Variants in CLHC1 observed in about 807,000 individuals in gnomAD.
The protein encoded by CLHC1 is clathrin heavy chain linker domain containing 1.
CLHC1 carries 72 observed loss-of-function variants against 69.5 expected under a neutral mutation model. The observed-to-expected ratio is 1.04, with a 90% CI of 0.86 to 1.26. The LOEUF is 1.26. Ranked by LOEUF, CLHC1 falls within the 50% of genes most tolerant of loss-of-function variation. The pLI, the probability that CLHC1 is intolerant of heterozygous loss-of-function variation, is 0.00. For missense variants in CLHC1, 790 were observed against 679.3 expected (o/e 1.16, Z -1.81); for synonymous variants, 223 against 224.3 (o/e 0.99, Z 0.05).
Position 55,231,933 on chromosome 2 carries a change from G to A in CLHC1, c.-256+290C>T, listed in dbSNP as rs1444448595. On this transcript the variant is annotated intron_variant, in intron 1 of 12. Coordinates refer to ENST00000401408, the MANE Select transcript of CLHC1 (RefSeq NM_152385.4). ...CCAGACTCTTCCCTAGGCTGGGAGAGACTCGGCGGTTGAAAGCAGGGAGGC... is the reference window on the plus strand; with the variant it reads ...CCAGACTCTTCCCTAGGCTGGGAGAAACTCGGCGGTTGAAAGCAGGGAGGC... 1.1e-4 allele frequency: 16 copies of A among 152,358 alleles called. 1 individual carries two copies. In the East Asian group the frequency reaches 2.5e-3, roughly 24 times the overall value. 9.4% of individuals were successfully genotyped at this position (152,358 alleles called of 1,614,324 possible).
At chr2:55,206,475 C>T (rs368853195) in intron 8 of CLHC1, 99 bp from the exon 9 acceptor site, 53 of 689,892 alleles carry the variant, frequency 7.7e-5, no homozygotes, top group Middle Eastern at 2.9e-4. Flanking sequence ...AGCGGCATAA[C>T]GATATGGAAA....
intron 9 of CLHC1, among the ~76,000 whole-genome samples, chr2:55,192,112 G>A (rs1240956109): frequency 6.6e-6 from 1 of 151,240 alleles, no homozygotes; most frequent in Non-Finnish European, 1.5e-5. Flanking sequence ...TCAGATTGTT[G>A]TTGTTGCTGT....
intron 2 of CLHC1, among the ~76,000 whole-genome samples, chr2:55,223,771 T>TG (rs1469550462): frequency 1.3e-5 from 2 of 151,368 alleles, no homozygotes; most frequent in African/African-American, 2.4e-5. Context: ...CAGGGTCAGG[T>TG]TCACGCACAC....
chr2:55,208,386 T>C (rs1366988013), intron 8 of CLHC1, among the ~76,000 whole-genome samples: 1 of 152,226 alleles, frequency 6.6e-6, no homozygotes, highest in Non-Finnish European at 1.5e-5. Context: ...CATATTGATC[T>C]ATCACAAAAC....
intron 11 of CLHC1, among the ~76,000 whole-genome samples, chr2:55,178,425 T>C (rs1364185208): frequency 3.9e-5 from 6 of 152,248 alleles, no homozygotes; most frequent in Admixed American, 6.5e-5. Context: ...TTAATCTCTA[T>C]TGGGTTAACC....
At chr2:55,224,417 A>T in intron 2 of CLHC1, 1 of 434,268 alleles carries the variant, frequency 2.3e-6, no homozygotes, top group Non-Finnish European at 4.7e-6. Flanking sequence ...AAGCTATGTC[A>T]CAAAGGATCC....
chr2:55,208,493 A>C (rs1302993755), intron 8 of CLHC1, 133 bp downstream of exon 8: 1 of 607,494 alleles, frequency 1.6e-6, no homozygotes, highest in Non-Finnish European at 2.8e-6. Flanking sequence ...AACCTGTATA[A>C]ATAAAACATA....
At chr2:55,227,691 A>AC (rs1271809344) in intron 2 of CLHC1, among the ~76,000 whole-genome samples, 6 of 151,442 alleles carry the variant, frequency 4.0e-5, no homozygotes, top group Non-Finnish European at 8.8e-5. Context: ...AAAAAAAAAA[A>AC]AGTAAAAGAT....
chr2:55,193,862 G>A (rs1383358014), intron 9 of CLHC1, among the ~76,000 whole-genome samples: 4 of 152,108 alleles, frequency 2.6e-5, no homozygotes, highest in African/African-American at 9.6e-5. Flanking sequence ...CCAAAAAGTG[G>A]GAAAAGCCCA....
chr2:55,227,440 G>C (rs1254455228), intron 2 of CLHC1, among the ~76,000 whole-genome samples: 1 of 152,118 alleles, frequency 6.6e-6, no homozygotes, highest in Non-Finnish European at 1.5e-5. Context: ...AGCACTTTGG[G>C]AGGCCGAGGC....
intron 9 of CLHC1, among the ~76,000 whole-genome samples, chr2:55,192,045 TCAA>T (rs1353497269): frequency 6.6e-6 from 1 of 152,014 alleles, no homozygotes; most frequent in Non-Finnish European, 1.5e-5. Flanking sequence ...AACAAACATG[TCAA>T]CAACAACATT....
intron 9 of CLHC1, among the ~76,000 whole-genome samples, chr2:55,192,499 A>G (rs1671028966): frequency 6.6e-6 from 1 of 152,176 alleles, no homozygotes; most frequent in Non-Finnish European, 1.5e-5. Flanking sequence ...TAATAGATTA[A>G]AAGTTAGAGG....
At chr2:55,191,032 C>T (rs560607639) in intron 9 of CLHC1, among the ~76,000 whole-genome samples, 1 of 152,172 alleles carries the variant, frequency 6.6e-6, no homozygotes, top group Non-Finnish European at 1.5e-5. Context: ...AATAACATTT[C>T]TCGGCAAAAG....
At chr2:55,230,939 C>A (rs1033528513) in intron 1 of CLHC1, among the ~76,000 whole-genome samples, 10 of 151,972 alleles carry the variant, frequency 6.6e-5, no homozygotes, top group Non-Finnish European at 1.2e-4. Flanking sequence ...GACTAGTTGG[C>A]GGACTAGGGG....
chr2:55,208,602 A>G (rs1672664563), intron 8 of CLHC1, 24 bp downstream of exon 8: 1 of 1,461,310 alleles, frequency 6.8e-7, no homozygotes, highest in Admixed American at 1.7e-5. Flanking sequence ...AATTCTGAAA[A>G]ATTAAAGCTT....
intron 9 of CLHC1, among the ~76,000 whole-genome samples, chr2:55,198,531 GC>G (rs1415402441): frequency 2.0e-5 from 3 of 151,480 alleles, no homozygotes; most frequent in Non-Finnish European, 4.4e-5. Context: ...GTTGCAGTGA[GC>G]CGAGATCACA....
intron 9 of CLHC1, among the ~76,000 whole-genome samples, chr2:55,185,956 C>T (rs1416423280): frequency 6.6e-6 from 1 of 152,092 alleles, no homozygotes; most frequent in Non-Finnish European, 1.5e-5. Context: ...AAGCAATTGT[C>T]TAAAAAATAA....
In CLHC1 at chr2:55,209,478, G is replaced by A. The variant is rs1327976682; in HGVS notation, c.740C>T (p.Ser247Leu). Residue 247 changes from serine to leucine, a missense_variant, in exon 7 of 13, where the codon TCA (serine) becomes TTA (leucine). Ser to Leu is a moderately radical substitution (Grantham distance 145, BLOSUM62 -2). Transcript: ENST00000401408. ...RLQIISQALSSWVKSDMSSPF... is the reference protein window; with the variant it reads ...RLQIISQALSLWVKSDMSSPF... ...GCTGCTCATATCAGATTTTACCCAT[G>A]AACTAAGTGCCTGTGAAATTATCTG... 4 of 1,611,974 alleles carry A rather than the reference G, an allele frequency of 2.5e-6. No individual in the cohort carries two copies. The highest frequency in any genetic ancestry group is 3.4e-6 in the Non-Finnish European group (4 of 1,179,366).
chr2:55,186,234 GCAGAGACAAACATAAAGCCTTTC>G (rs1157678854), intron 9 of CLHC1, among the ~76,000 whole-genome samples: 1 of 152,112 alleles, frequency 6.6e-6, no homozygotes, highest in Non-Finnish European at 1.5e-5. Flanking sequence ...TAGAGACCAG[GCAGAGACAAACATAAAGCCTTTC>G]CAGAGAATAC....
Sources: gnomAD v4.1 joint callset for allele counts (sites outside exome capture counted in the v4.1 genomes callset) on GRCh38, gnomAD v4.1.1 for gene constraint, MANE v1.5 for transcripts, NCBI Gene and HGNC (gene_info 2026-07-23, HGNC 2026-07-21) for gene names.